SKIC3: variants seen among roughly 807,000 people sequenced by gnomAD.
The protein encoded by SKIC3 is superkiller complex protein 3.
chr5:95,518,221 C>T, the SKIC3 span, among the ~76,000 whole-genome samples: 1 of 151,886 alleles, frequency 6.6e-6, no homozygotes, highest in Non-Finnish European at 1.5e-5. Context: ...TGATGAGGTA[C>T]AGAGATGTTT....
chr5:95,529,409 T>C, the SKIC3 span: 21,309 of 405,518 alleles, frequency 0.053, 788 homozygotes, highest in East Asian at 0.13. Flanking sequence ...AAAATTCCCC[T>C]GCTAAAAATC....
the SKIC3 span, among the ~76,000 whole-genome samples, chr5:95,493,598 T>C: frequency 2.0e-5 from 3 of 152,220 alleles, no homozygotes; most frequent in South Asian, 4.1e-4. Context: ...AACAACAGAA[T>C]ATTGACTTTT....
the SKIC3 span, among the ~76,000 whole-genome samples, chr5:95,511,527 T>C: frequency 6.6e-6 from 1 of 152,180 alleles, no homozygotes; most frequent in African/African-American, 2.4e-5. Context: ...AATTGCCTAG[T>C]CTAGTGCCTC....
the SKIC3 span, among the ~76,000 whole-genome samples, chr5:95,468,951 A>T: frequency 6.6e-6 from 1 of 152,180 alleles, no homozygotes; most frequent in Admixed American, 6.5e-5. Flanking sequence ...AATGGCCCCA[A>T]ATAAATAAAT....
the SKIC3 span, chr5:95,513,739 T>C: frequency 2.4e-6 from 3 of 1,231,040 alleles, no homozygotes; most frequent in Non-Finnish European, 2.4e-6. Flanking sequence ...AAAGGTTTAC[T>C]AGCTGAGCTT....
the SKIC3 span, among the ~76,000 whole-genome samples, chr5:95,489,657 A>G: frequency 1.3e-5 from 2 of 152,152 alleles, no homozygotes; most frequent in African/African-American, 2.4e-5. Flanking sequence ...ACAAAAAACA[A>G]AGGCAACAAA....
At chr5:95,537,559 G>A in the SKIC3 span, among the ~76,000 whole-genome samples, 1 of 152,168 alleles carries the variant, frequency 6.6e-6, no homozygotes, top group African/African-American at 2.4e-5. Flanking sequence ...TTAAAAAGCA[G>A]TTATAAAGTT....
chr5:95,554,567 T>C, the SKIC3 span, among the ~76,000 whole-genome samples: 1,852 of 152,282 alleles, frequency 0.012, 38 homozygotes, highest in African/African-American at 0.042. Context: ...GCCTACAGCC[T>C]GAAACTTCTT....
chr5:95,489,585 CA>C, the SKIC3 span, among the ~76,000 whole-genome samples: 217 of 145,242 alleles, frequency 1.5e-3, no homozygotes, highest in Middle Eastern at 3.8e-3. Context: ...GAGAAAATAG[CA>C]TCAAATAAAA....
At chr5:95,544,850 G>A in the SKIC3 span, among the ~76,000 whole-genome samples, 106 of 152,262 alleles carry the variant, frequency 7.0e-4, no homozygotes, top group Non-Finnish European at 1.2e-3. Flanking sequence ...AAAAAGTACC[G>A]AACTCTGCAT....
chr5:95,498,416 CT>C, the SKIC3 span: 2 of 1,614,184 alleles, frequency 1.2e-6, no homozygotes, highest in Non-Finnish European at 1.7e-6. Flanking sequence ...ACACTGCGGC[CT>C]TGGAGTGCAT....
At chr5:95,503,098 C>T in the SKIC3 span, 1 of 1,379,078 alleles carries the variant, frequency 7.3e-7, no homozygotes, top group Non-Finnish European at 1.0e-6. Context: ...TTAGAAAGGT[C>T]TAAATACAAT....
chr5:95,514,875 A>C, the SKIC3 span: 1 of 1,612,438 alleles, frequency 6.2e-7, no homozygotes, highest in South Asian at 1.1e-5. Flanking sequence ...CAGCACATTA[A>C]ATAAGATGGA....
At chr5:95,467,941 GGGATACCCA>G in the SKIC3 span, 1 of 1,613,458 alleles carries the variant, frequency 6.2e-7, no homozygotes, top group Non-Finnish European at 8.5e-7. Flanking sequence ...CAATAGATTT[GGGATACCCA>G]GGCTGATATA....
the SKIC3 span, among the ~76,000 whole-genome samples, chr5:95,489,408 A>T: frequency 6.6e-6 from 1 of 152,028 alleles, no homozygotes; most frequent in Non-Finnish European, 1.5e-5. Context: ...AATAATTAGG[A>T]TTGTTTTACT....
chr5:95,506,335 T>C, the SKIC3 span, among the ~76,000 whole-genome samples: 1 of 152,212 alleles, frequency 6.6e-6, no homozygotes, highest in Non-Finnish European at 1.5e-5. Flanking sequence ...TTTTTCAAAC[T>C]GTACCATTCA....
the SKIC3 span, among the ~76,000 whole-genome samples, chr5:95,468,209 T>C: frequency 1.3e-5 from 2 of 152,198 alleles, no homozygotes; most frequent in East Asian, 3.8e-4. Flanking sequence ...CATATGGCTG[T>C]ATTTAATGTT....
chr5:95,490,200 T>C, the SKIC3 span, among the ~76,000 whole-genome samples: 7 of 151,956 alleles, frequency 4.6e-5, no homozygotes, highest in Non-Finnish European at 1.0e-4. Flanking sequence ...CATGGGACAA[T>C]TTCAATGCTG....
the SKIC3 span, among the ~76,000 whole-genome samples, chr5:95,518,279 A>T: frequency 6.6e-6 from 1 of 152,196 alleles, no homozygotes; most frequent in East Asian, 1.9e-4. Context: ...TAGCATATTA[A>T]TCATCTCAAA....
Sources: gnomAD v4.1 joint callset for allele counts (sites outside exome capture counted in the v4.1 genomes callset) on GRCh38, gnomAD v4.1.1 for gene constraint, MANE v1.5 for transcripts, NCBI Gene and HGNC (gene_info 2026-07-23, HGNC 2026-07-21) for gene names.